The following TENM3 variants were observed in gnomAD, a reference collection of about 807,000 sequenced individuals.
TENM3 encodes teneurin transmembrane protein 3, also known as teneurin-3.
Under a neutral mutation model 255.1 loss-of-function variants are expected in TENM3, and 63 were observed. The ratio of observed to expected loss-of-function variants is 0.25; its 90% CI spans 0.20 to 0.30. The LOEUF (loss-of-function observed/expected upper bound fraction) is 0.30. Among genes scored for constraint, TENM3 ranks in the 10% least tolerant of loss-of-function variants. The pLI is 1.00. For synonymous variants in TENM3, 1,306 were observed against 1,322.3 expected (o/e 0.99, Z 0.27); for missense variants, 2,929 against 3,461.1 (o/e 0.85, Z 3.86).
chr4:182,225,586 C>A (rs1008785377), intron 1 of TENM3, among the ~76,000 whole-genome samples: 1 of 152,082 alleles, frequency 6.6e-6, no homozygotes, highest in Non-Finnish European at 1.5e-5. Context: ...CTGACGACAG[C>A]GGGAGATGAA....
the TENM3 span, among the ~76,000 whole-genome samples, chr4:182,133,293 C>T: frequency 2.0e-5 from 3 of 152,246 alleles, no homozygotes; most frequent in East Asian, 1.9e-4. Context: ...GAAGGGCTTT[C>T]GGCATGAGCA....
intron 3 of TENM3, among the ~76,000 whole-genome samples, chr4:182,448,324 C>A (rs1301471894): frequency 6.6e-6 from 1 of 152,188 alleles, no homozygotes; most frequent in Non-Finnish European, 1.5e-5. Context: ...GCGACACCCA[C>A]CCCTTCGCTG....
chr4:182,095,915 A>G, the TENM3 span, among the ~76,000 whole-genome samples: 2 of 152,090 alleles, frequency 1.3e-5, no homozygotes, highest in African/African-American at 4.8e-5. Flanking sequence ...AGGAAAGAAA[A>G]GGAAATTTTT....
At chr4:182,750,635 AT>A (rs1188196782) in intron 19 of TENM3, among the ~76,000 whole-genome samples, 1 of 152,180 alleles carries the variant, frequency 6.6e-6, no homozygotes, top group Non-Finnish European at 1.5e-5. Context: ...ATATAGGTAG[AT>A]TTATTATAAA....
the TENM3 span, among the ~76,000 whole-genome samples, chr4:181,648,142 A>G: frequency 6.6e-6 from 1 of 152,186 alleles, no homozygotes; most frequent in East Asian, 1.9e-4. Flanking sequence ...CATATTGGAG[A>G]CAGGGTAGCA....
chr4:181,667,636 A>G, the TENM3 span, among the ~76,000 whole-genome samples: 52,263 of 151,964 alleles, frequency 0.34, 9,177 homozygotes, highest in Non-Finnish European at 0.36. Context: ...ACCTTCTACC[A>G]TGGCATGATG....
At chr4:182,488,608 A>G (rs961009937) in intron 3 of TENM3, among the ~76,000 whole-genome samples, 1 of 152,170 alleles carries the variant, frequency 6.6e-6, no homozygotes, top group Non-Finnish European at 1.5e-5. Context: ...AAAGGAAGAA[A>G]ATCATCAGTT....
chr4:182,204,373 G>GTT (rs1754411193), intron 1 of TENM3, among the ~76,000 whole-genome samples: 1 of 152,158 alleles, frequency 6.6e-6, no homozygotes, highest in African/African-American at 2.4e-5. Flanking sequence ...CTGTGAAAAC[G>GTT]TTTACTCCAA....
intron 1 of TENM3, among the ~76,000 whole-genome samples, chr4:182,162,779 A>C (rs1751441578): frequency 6.6e-6 from 1 of 152,200 alleles, no homozygotes; most frequent in South Asian, 2.1e-4. Context: ...AAAGGATGGA[A>C]GTGCAAAAAG....
chr4:182,115,825 A>G, the TENM3 span, among the ~76,000 whole-genome samples: 1 of 151,892 alleles, frequency 6.6e-6, no homozygotes, highest in Non-Finnish European at 1.5e-5. Flanking sequence ...CATGTTATCA[A>G]TGAGAAGACT....
chr4:181,973,503 G>A, the TENM3 span, among the ~76,000 whole-genome samples: 1 of 152,286 alleles, frequency 6.6e-6, no homozygotes, highest in South Asian at 2.1e-4. Context: ...CAGGAGGATC[G>A]CTTGAGGCTG....
chr4:182,159,200 C>T (rs552822163), intron 1 of TENM3, among the ~76,000 whole-genome samples: 1 of 152,278 alleles, frequency 6.6e-6, no homozygotes, highest in South Asian at 2.1e-4. Context: ...CTTCAGTTGT[C>T]GGAGTCATTG....
At chr4:182,462,826 G>T (rs1459117059) in intron 3 of TENM3, among the ~76,000 whole-genome samples, 1 of 151,910 alleles carries the variant, frequency 6.6e-6, no homozygotes, top group Admixed American at 6.6e-5. Context: ...GGCAGAGGTT[G>T]CAGTGAGCTG....
intron 4 of TENM3, among the ~76,000 whole-genome samples, chr4:182,621,906 T>G (rs1445958256): frequency 1.4e-5 from 2 of 143,126 alleles, no homozygotes; most frequent in Non-Finnish European, 3.0e-5. Context: ...GGCTGGGAGG[T>G]CAAGGCTCCA....
intron 13 of TENM3, among the ~76,000 whole-genome samples, chr4:182,726,223 A>G (rs758529335): frequency 6.6e-6 from 1 of 152,064 alleles, no homozygotes; most frequent in Non-Finnish European, 1.5e-5. Flanking sequence ...TCCCCCAACT[A>G]CAAAGGAAAT....
chr4:182,244,343 T>C (rs1757510626), intron 1 of TENM3, among the ~76,000 whole-genome samples: 1 of 152,218 alleles, frequency 6.6e-6, no homozygotes, highest in African/African-American at 2.4e-5. Flanking sequence ...ACTGGTTTGC[T>C]GTGAGCTGAT....
At chr4:181,685,241 C>T in the TENM3 span, among the ~76,000 whole-genome samples, 57,211 of 151,904 alleles carry the variant, frequency 0.38, 12,932 homozygotes, top group Non-Finnish European at 0.5. Flanking sequence ...AGATATTTTG[C>T]TCATTTAGTC....
intron 1 of TENM3, among the ~76,000 whole-genome samples, chr4:182,311,017 C>T (rs1762412326): frequency 6.6e-6 from 1 of 152,134 alleles, no homozygotes; most frequent in African/African-American, 2.4e-5. Context: ...GCCCACAAAA[C>T]AAAATTAGTA....
chr4:182,313,755 T>C (rs916720914), intron 1 of TENM3, among the ~76,000 whole-genome samples: 2 of 152,198 alleles, frequency 1.3e-5, no homozygotes, highest in South Asian at 2.1e-4. Context: ...GAGTTTCCTC[T>C]TCACTCAGCT....
Sources: allele counts gnomAD v4.1 joint callset (sites outside exome capture counted in the v4.1 genomes callset), GRCh38; gene constraint gnomAD v4.1.1; transcripts MANE v1.5; gene names NCBI Gene and HGNC (gene_info 2026-07-23, HGNC 2026-07-21).